The following ARIH1 variants were observed in gnomAD, a reference collection of about 807,000 sequenced individuals.
ARIH1 encodes ariadne RBR E3 ubiquitin protein ligase 1.
Under a neutral mutation model 85.0 loss-of-function variants are expected in ARIH1, and 8 were observed. The ratio of observed to expected loss-of-function variants is 0.09; its 90% CI spans 0.06 to 0.17. The LOEUF (loss-of-function observed/expected upper bound fraction) is 0.17. Among genes scored for constraint, ARIH1 ranks in the 10% least tolerant of loss-of-function variants. The probability of loss-of-function intolerance (pLI) is 1.00; values close to 1 mark genes in which losing one functional copy is unlikely to be tolerated. For synonymous variants in ARIH1, 238 were observed against 253.6 expected (o/e 0.94, Z 0.59); for missense variants, 311 against 718.1 (o/e 0.43, Z 6.48).
chr15:72,553,218 T>C (rs1049622603), intron 3 of ARIH1, among the ~76,000 whole-genome samples: 2 of 152,232 alleles, frequency 1.3e-5, no homozygotes, highest in African/African-American at 4.8e-5. Context: ...GTAACCATTA[T>C]TTGAATCTTT....
chr15:72,498,242 T>TG (rs1491299975), intron 1 of ARIH1, among the ~76,000 whole-genome samples: 2 of 45,888 alleles, frequency 4.4e-5, no homozygotes, highest in African/African-American at 5.6e-5. Context: ...GCAACCAAAA[T>TG]GTTTTTTTTT....
intron 1 of ARIH1, among the ~76,000 whole-genome samples, chr15:72,484,595 A>G (rs2063829645): frequency 6.6e-6 from 1 of 151,852 alleles, no homozygotes; most frequent in Non-Finnish European, 1.5e-5. Flanking sequence ...AAATGCCATT[A>G]ACTCATTCCC....
At position 72,586,703 on chromosome 15, in the gene ARIH1, C is replaced by T. The variant is rs1312333415; in HGVS notation, c.*3411C>T. The T allele has an allele frequency of 6.5e-6, 1 of 153,198 alleles. No individual in the cohort carries two copies. Among genetic ancestry groups the T allele is most frequent in the Non-Finnish European group, 1.5e-5 (1 of 68,864 alleles). 9.5% of individuals were successfully genotyped at this position (153,198 alleles called of 1,614,324 possible). ...TTCTTTGCAGGGAACTGTGAATGAG[C>T]CCATTCCCCCAACATTTAACTTGGT... On this transcript the variant is annotated 3_prime_UTR_variant, in exon 14 of 14. Transcript: ENST00000379887.
chr15:72,496,810 GA>G (rs1246954965), intron 1 of ARIH1: 2 of 985,324 alleles, frequency 2.0e-6, no homozygotes, highest in African/African-American at 3.5e-5. Context: ...GGTACTTCCA[GA>G]AGTATGAATT....
chr15:72,541,495 A>G (rs763304890), intron 2 of ARIH1, among the ~76,000 whole-genome samples: 1 of 152,236 alleles, frequency 6.6e-6, no homozygotes, highest in Non-Finnish European at 1.5e-5. Flanking sequence ...TTTACTCTTG[A>G]TATAATTGTA....
intron 7 of ARIH1, among the ~76,000 whole-genome samples, chr15:72,563,998 G>T (rs1167932299): frequency 1.3e-5 from 2 of 152,098 alleles, no homozygotes; most frequent in Non-Finnish European, 2.9e-5. Flanking sequence ...GATTTGAACT[G>T]CCAGGAAGTT....
intron 8 of ARIH1, 63 bp downstream of exon 8, chr15:72,566,668 A>G: frequency 7.2e-7 from 1 of 1,391,318 alleles, no homozygotes; most frequent in Non-Finnish European, 1.0e-6. Context: ...AGTGACTAAA[A>G]ATCATAGCTG....
At chr15:72,514,693 G>T (rs2063966576) in intron 1 of ARIH1, among the ~76,000 whole-genome samples, 1 of 148,676 alleles carries the variant, frequency 6.7e-6, no homozygotes, top group Non-Finnish European at 1.5e-5. Flanking sequence ...GACAAAGCAA[G>T]ACCTTGTCTT....
intron 2 of ARIH1, among the ~76,000 whole-genome samples, chr15:72,520,659 C>T: frequency 6.6e-6 from 1 of 152,018 alleles, no homozygotes; most frequent in East Asian, 1.9e-4. Flanking sequence ...TATATGTATT[C>T]TATTTCAGTT....
intron 11 of ARIH1, among the ~76,000 whole-genome samples, chr15:72,578,312 G>A (rs1320318309): frequency 2.6e-5 from 4 of 152,112 alleles, no homozygotes; most frequent in African/African-American, 9.7e-5. Context: ...CTATAACAAC[G>A]ATGACATCTT....
At chr15:72,523,942 T>C (rs1341472551) in intron 2 of ARIH1, among the ~76,000 whole-genome samples, 18 of 116,614 alleles carry the variant, frequency 1.5e-4, no homozygotes, top group African/African-American at 6.2e-4. Context: ...TTTACATCTT[T>C]TTTTTTTTTT....
intron 3 of ARIH1, among the ~76,000 whole-genome samples, chr15:72,552,146 A>C (rs2064155371): frequency 6.6e-6 from 1 of 152,208 alleles, no homozygotes; most frequent in African/African-American, 2.4e-5. Flanking sequence ...ACAAAGATGT[A>C]TATATAGTCA....
At chr15:72,492,015 G>A (rs1376373503) in intron 1 of ARIH1, among the ~76,000 whole-genome samples, 1 of 152,064 alleles carries the variant, frequency 6.6e-6, no homozygotes, top group Admixed American at 6.6e-5. Context: ...CATTGCTGTG[G>A]CCTCTGAATC....
chr15:72,555,408 A>G (rs1265301425), intron 4 of ARIH1, 45 bp downstream of exon 4: 2 of 1,409,844 alleles, frequency 1.4e-6, no homozygotes, highest in Non-Finnish European at 2.0e-6. Flanking sequence ...AATTTCCTAT[A>G]GTGTTAAGAC....
chr15:72,568,172 C>T (rs980077476), intron 9 of ARIH1, among the ~76,000 whole-genome samples: 7 of 152,178 alleles, frequency 4.6e-5, no homozygotes, highest in Non-Finnish European at 5.9e-5. Context: ...AAAACCATCA[C>T]GATAAGCATA....
chr15:72,563,032 C>G (rs1400026433), intron 6 of ARIH1, among the ~76,000 whole-genome samples: 2 of 152,088 alleles, frequency 1.3e-5, no homozygotes, highest in African/African-American at 4.8e-5. Context: ...ACTAGGAAAT[C>G]TTGCATCATG....
chr15:72,510,736 CAAAAAAAAAAAAAAA>C (rs57834481), intron 1 of ARIH1, among the ~76,000 whole-genome samples: 19 of 26,726 alleles, frequency 7.1e-4, no homozygotes, highest in South Asian at 2.8e-3. Flanking sequence ...GACTCTGACT[CAAAAAAAAAAAAAAA>C]AAAAAAAAAA....
At chr15:72,492,352 T>C (rs1054476075) in intron 1 of ARIH1, among the ~76,000 whole-genome samples, 3 of 152,206 alleles carry the variant, frequency 2.0e-5, no homozygotes, top group East Asian at 1.9e-4. Context: ...GAAACTGTTA[T>C]GGAGGCACTA....
chr15:72,502,536 C>T (rs1475789397), intron 1 of ARIH1, among the ~76,000 whole-genome samples: 1 of 152,140 alleles, frequency 6.6e-6, no homozygotes, highest in Non-Finnish European at 1.5e-5. Flanking sequence ...GCTGGGCACT[C>T]ACTCATGGCT....
Sources: gnomAD v4.1 joint callset for allele counts (sites outside exome capture counted in the v4.1 genomes callset) on GRCh38, gnomAD v4.1.1 for gene constraint, MANE v1.5 for transcripts, NCBI Gene and HGNC (gene_info 2026-07-23, HGNC 2026-07-21) for gene names.